Variants in MPHOSPH8 observed in about 807,000 individuals in gnomAD.
MPHOSPH8 encodes the protein M-phase phosphoprotein, mpp.
MPHOSPH8 carries 45 observed loss-of-function variants against 87.3 expected under a neutral mutation model. The observed-to-expected ratio is 0.52, with a 90% confidence interval of 0.41 to 0.66. The LOEUF (loss-of-function observed/expected upper bound fraction) is 0.66. Ranked by LOEUF, MPHOSPH8 falls within the 30% of genes least tolerant of loss-of-function variation. The pLI is 0.00. For missense variants in MPHOSPH8, 883 were observed against 1,020.2 expected, an observed-to-expected ratio of 0.87 and a Z score of 1.83; for synonymous variants, 366 against 376.9, an observed-to-expected ratio of 0.97 and a Z score of 0.33.
rs1465304318 is a variant in MPHOSPH8 at position 19,672,954 on chromosome 13, G to A, written c.*1079G>A. On this transcript the variant is annotated 3_prime_UTR_variant, in exon 14 of 14. Coordinates refer to ENST00000361479, the MANE Select transcript of MPHOSPH8 (RefSeq NM_017520.4). The stretch of plus-strand genomic sequence containing the variant: ...GCCTGTAGTCCCAGATACTCAGGAG[G>A]CTGAGGTGAAAGGATTGCTTGAGCC... 1.5e-5 allele frequency: 6 copies of A among 389,272 alleles called. No individual in the cohort carries two copies. The East Asian group carries it at 2.8e-4, about 18-fold the overall frequency. The allele number at this position is 389,272 out of a possible 1,614,324, so 24.1% of individuals were successfully genotyped here. A position where few individuals can be genotyped will look rare whatever the true frequency, so the allele number is the denominator to read the frequency against.
chr13:19,651,407 T>G (rs558687551), intron 5 of MPHOSPH8, among the ~76,000 whole-genome samples: 1 of 151,844 alleles, frequency 6.6e-6, no homozygotes, highest in Non-Finnish European at 1.5e-5. Flanking sequence ...TGCACCTGTA[T>G]TCCCAGCTAC....
In MPHOSPH8 at chr13:19,654,929, C is replaced by T. The variant is rs187885749; in HGVS notation, c.1577-4066C>T. The stretch of plus-strand genomic sequence containing the variant: ...AACCATTGCAATCCAGTCTGGGCAA[C>T]AAGAACGACACACCATCTCAAAAAA... On this transcript the variant is annotated intron_variant, in intron 5 of 13. Transcript: ENST00000361479. 5.9e-5 allele frequency among the ~76,000 whole-genome samples: 9 copies of T among 151,402 alleles called. No homozygotes were observed. In the East Asian group the frequency reaches 1.4e-3, roughly 23 times the overall value.
intron 7 of MPHOSPH8, chr13:19,660,997 C>T: frequency 1.4e-5 from 14 of 973,636 alleles, no homozygotes; most frequent in Non-Finnish European, 1.7e-5. Context: ...TGGTGGCATG[C>T]ACCTGTAATC....
At position 19,673,098 on chromosome 13, in the gene MPHOSPH8, G is replaced by GTT. The variant is rs10531847; in HGVS notation, c.*1234_*1235dup. 209 of 407,708 alleles carry GTT rather than the reference G, an allele frequency of 5.1e-4. No homozygotes were observed. The highest frequency in any genetic ancestry group is 9.9e-4 in the South Asian group (56 of 56,814). The allele number at this position is 407,708 out of a possible 1,614,324, so 25.3% of individuals were successfully genotyped here. On this transcript the variant is annotated 3_prime_UTR_variant, in exon 14 of 14. Coordinates refer to ENST00000361479, the MANE Select transcript of MPHOSPH8 (RefSeq NM_017520.4). ...CTTGGAACCTATACGGTTTTTTTTT[G>GTT]TTTTTTTTTTTTGAAAAGCCAGACC...
chr13:19,659,036 T>C lies in MPHOSPH8; in HGVS notation c.1618T>C (p.Leu540=). 5.0e-6 allele frequency: 8 copies of C among 1,614,074 alleles called. No individual in the cohort carries two copies. The highest frequency in any genetic ancestry group is 5.9e-6 in the Non-Finnish European group (7 of 1,180,008). ...TCTGAGTTTGGGCATGGACCTGCAG[T>C]TGGAATGGATGAAGTTGGAAGATTT... ...QILSLGMDLQ[L]EWMKLEDFQK... The change falls in exon 6 of 14, where the codon TTG becomes CTG. Residue 540 remains leucine, a synonymous_variant. Coordinates refer to ENST00000361479, the MANE Select transcript of MPHOSPH8 (RefSeq NM_017520.4).
intron 7 of MPHOSPH8, 61 bp downstream of exon 7, chr13:19,659,350 A>G: frequency 2.3e-6 from 3 of 1,320,340 alleles, no homozygotes; most frequent in Non-Finnish European, 2.1e-6. Context: ...GAAAGAATTC[A>G]GTTTAACTTT....
Position 19,650,152 on chromosome 13 carries a change from C to T in MPHOSPH8, c.1468C>T (p.Leu490Phe). 6.2e-7 allele frequency: 1 copy of T among 1,614,104 alleles called. No individual in the cohort carries two copies. Among genetic ancestry groups the T allele is most frequent in the Non-Finnish European group, 8.5e-7 (1 of 1,180,010 alleles). Reference sequence around the variant, plus strand: ...CAAAACCAAGGAAAACAAACAGTCACTTAAAGAAAGGAGAAACACCAGAGA... The same window carrying T: ...CAAAACCAAGGAAAACAAACAGTCATTTAAAGAAAGGAGAAACACCAGAGA... ...DHKTKENKQS[L>F]KERRNTRDET... Residue 490 changes from leucine to phenylalanine, a missense_variant, in exon 5 of 14, where the codon CTT becomes TTT. Leu to Phe is a conservative substitution (Grantham distance 22). Around this residue, in one of 3 missense-constraint regions of MPHOSPH8, gnomAD observed 741 missense variants for 841.5 expected, o/e 0.88. Transcript: ENST00000361479.
chr13:19,672,217 TC>T lies in MPHOSPH8; in HGVS notation c.*343del, dbSNP rs1233825961. The T allele has an allele frequency of 4.7e-6, 1 of 214,924 alleles. No homozygotes were observed. Among genetic ancestry groups the T allele is most frequent in the African/African-American group, 2.3e-5 (1 of 43,798 alleles). 13.3% of individuals were successfully genotyped at this position (214,924 alleles called of 1,614,324 possible). A position where few individuals can be genotyped will look rare whatever the true frequency, so the allele number is the denominator to read the frequency against. ...TGGAGTGCAATGGTGCGATCTCGGC[TC>T]ACTGCAAGCTCTGCCTCCTGGGTTC... On this transcript the variant is annotated 3_prime_UTR_variant, in exon 14 of 14. Coordinates refer to ENST00000361479, the MANE Select transcript of MPHOSPH8 (RefSeq NM_017520.4).
intron 10 of MPHOSPH8, among the ~76,000 whole-genome samples, chr13:19,667,234 A>C (rs943682521): frequency 6.6e-6 from 1 of 152,112 alleles, no homozygotes; most frequent in African/African-American, 2.4e-5. Context: ...TATTTTTTGC[A>C]ACACTTTTAA....
intron 2 of MPHOSPH8, among the ~76,000 whole-genome samples, chr13:19,645,015 A>G (rs553151363): frequency 3.9e-5 from 6 of 151,996 alleles, no homozygotes; most frequent in Non-Finnish European, 8.8e-5. Context: ...TCTCTGGCCT[A>G]CTTGGTTTGG....
At chr13:19,654,670 C>T (rs746370759) in intron 5 of MPHOSPH8, among the ~76,000 whole-genome samples, 5 of 152,110 alleles carry the variant, frequency 3.3e-5, no homozygotes, top group African/African-American at 7.2e-5. Flanking sequence ...AAGAAAAGGC[C>T]GGGCGCAGTG....
intron 1 of MPHOSPH8, 115 bp from the exon 2 acceptor site, chr13:19,642,000 C>A: frequency 2.1e-6 from 2 of 949,688 alleles, no homozygotes; most frequent in South Asian, 2.3e-5. Context: ...AAAATTTCCA[C>A]TTAGAAGCAA....
chr13:19,642,027 T>G, intron 1 of MPHOSPH8, 88 bp from the exon 2 acceptor site: 6 of 1,117,626 alleles, frequency 5.4e-6, no homozygotes, highest in East Asian at 2.9e-5. Flanking sequence ...AGTTCTTTCA[T>G]GTCTTCTCAT....
At chr13:19,662,935 A>T in intron 8 of MPHOSPH8, 105 bp from the exon 9 acceptor site, 2 of 963,116 alleles carry the variant, frequency 2.1e-6, no homozygotes, top group Non-Finnish European at 3.2e-6. Flanking sequence ...CACTTGTGAT[A>T]GAACCTGCTG....
intron 11 of MPHOSPH8, among the ~76,000 whole-genome samples, chr13:19,669,871 T>C (rs888981942): frequency 8.5e-5 from 13 of 152,132 alleles, no homozygotes; most frequent in African/African-American, 2.2e-4. Flanking sequence ...TGGAAGAAAA[T>C]GGAAAACCAC....
chr13:19,659,955 A>ATTTTTTT (rs34817892), intron 7 of MPHOSPH8, among the ~76,000 whole-genome samples: 2 of 59,132 alleles, frequency 3.4e-5, no homozygotes, highest in African/African-American at 6.0e-5. Flanking sequence ...ATATGTATGG[A>ATTTTTTT]TTTTTTTTTT....
chr13:19,644,310 G>T (rs1224417673), intron 2 of MPHOSPH8, among the ~76,000 whole-genome samples: 1 of 152,070 alleles, frequency 6.6e-6, no homozygotes, highest in East Asian at 1.9e-4. Context: ...TATCTAATTT[G>T]AAATACTGTC....
chr13:19,633,686 G>A lies in MPHOSPH8; in HGVS notation c.-63G>A. 10 of 1,530,766 alleles carry A rather than the reference G, an allele frequency of 6.5e-6. No homozygotes were observed. Among genetic ancestry groups the A allele is most frequent in the Non-Finnish European group, 8.9e-6 (10 of 1,129,592 alleles). The allele number at this position is 1,530,766 out of a possible 1,614,324, so 94.8% of individuals were successfully genotyped here. The stretch of plus-strand genomic sequence containing the variant: ...TGTGGAGTAGGGCCGAGCGCGGAAC[G>A]CGAGGGGCTGCTGGGGTGTTTGTCG... On this transcript the variant is annotated 5_prime_UTR_variant, in exon 1 of 14. Coordinates refer to ENST00000361479, the MANE Select transcript of MPHOSPH8 (RefSeq NM_017520.4).
rs765087521 is a variant in MPHOSPH8, at chr13:19,636,332, TTAATAA to T, written c.213+2374_213+2379del. ...TTACAATTGATTCACTTTTTACTAA[TTAATAA>T]TATTTCTTGATTCTAACTATATGTA... On this transcript the variant is annotated intron_variant, in intron 1 of 13. Coordinates refer to ENST00000361479, the MANE Select transcript of MPHOSPH8 (RefSeq NM_017520.4). Among the ~76,000 whole-genome samples the T allele has an allele frequency of 3.0e-4, 45 of 152,182 alleles. 1 individual carries two copies. The highest frequency in any genetic ancestry group is 7.3e-5 in the Non-Finnish European group (5 of 68,046).
Sources: allele counts gnomAD v4.1 joint callset (sites outside exome capture counted in the v4.1 genomes callset), GRCh38; gene constraint gnomAD v4.1.1; regional missense constraint gnomAD v4.1.1; transcripts MANE v1.5; gene names NCBI Gene and HGNC (gene_info 2026-07-23, HGNC 2026-07-21).